Variants in FAM133B observed in about 807,000 individuals in gnomAD.
FAM133B encodes family with sequence similarity 133 member B.
FAM133B carries 25 observed loss-of-function variants against 46.4 expected under a neutral mutation model. That is an observed-to-expected ratio of 0.54 (90% CI 0.39 to 0.75). The LOEUF (loss-of-function observed/expected upper bound fraction) is 0.75, where lower values mean the gene tolerates loss of function less well. Among genes scored for constraint, FAM133B ranks in the 30% least tolerant of loss-of-function variants. FAM133B has a pLI of 0.00. For missense variants in FAM133B, 205 were observed against 277.6 expected (o/e 0.74, Z 1.86); for synonymous variants, 75 against 86.0 (o/e 0.87, Z 0.71).
In FAM133B at chr7:92,581,544, T is replaced by C. The variant is rs1464117312; in HGVS notation, c.84A>G (p.Pro28=). 4 of 1,613,834 alleles carry C rather than the reference T, an allele frequency of 2.5e-6. No individual in the cohort carries two copies. Among genetic ancestry groups the C allele is most frequent in the Non-Finnish European group, 3.4e-6 (4 of 1,179,854 alleles). ...RSRGPIQSSG[P]TIQDYLNRPR... ...GTCGATTCAGATAATCCTGTATTGT[T>C]GGCCCTGAAGACTGGATTGGACCCC... Residue 28 remains proline, a synonymous_variant, in exon 2 of 11, where the codon CCA becomes CCG. Coordinates refer to ENST00000445716, the MANE Select transcript of FAM133B (RefSeq NM_152789.4).
At chr7:92,587,903 C>T (rs908218897) in intron 1 of FAM133B, among the ~76,000 whole-genome samples, 2 of 151,878 alleles carry the variant, frequency 1.3e-5, no homozygotes, top group Admixed American at 6.6e-5. Flanking sequence ...AGGCTATGCA[C>T]GAGTGGGGTC....
chr7:92,578,120 CG>C (rs1794756412), intron 5 of FAM133B, 29 bp downstream of exon 5: 1 of 1,582,634 alleles, frequency 6.3e-7, no homozygotes, highest in Non-Finnish European at 8.6e-7. Flanking sequence ...TTAATTGTAA[CG>C]TTTAGAAAAA....
chr7:92,589,942 G>GT (rs1795146280), intron 1 of FAM133B: 1 of 446,066 alleles, frequency 2.2e-6, no homozygotes, highest in Admixed American at 3.7e-5. Flanking sequence ...GGGGCCAGGT[G>GT]TGGGGGGGGT....
chr7:92,562,132 A>G lies in FAM133B; in HGVS notation c.*150T>C. On this transcript the variant is annotated 3_prime_UTR_variant, in exon 11 of 11. Transcript: ENST00000445716. ...GGCAACATTTATGGCCCTTTCACAC[A>G]GTGGCATCTGAGTGGCTACTGAATA... is the stretch of plus-strand genomic sequence containing the variant. The G allele has an allele frequency of 1.2e-6, 1 of 824,622 alleles. No homozygotes were observed. The highest frequency in any genetic ancestry group is 1.8e-6 in the Non-Finnish European group (1 of 560,030). The allele number at this position is 824,622 out of a possible 1,614,324, so 51.1% of individuals were successfully genotyped here. A position where few individuals can be genotyped will look rare whatever the true frequency, so the allele number is the denominator to read the frequency against.
rs1489785549 is a variant in FAM133B, at chr7:92,562,082, G to A, written c.*200C>T. On this transcript the variant is annotated 3_prime_UTR_variant, in exon 11 of 11. Transcript: ENST00000445716. ...CCCAGAGTTATCAAGCACTGGAAGA[G>A]AAAAAAATAGATGTTCAAGCAGCAG... The A allele has an allele frequency of 2.0e-6, 1 of 499,924 alleles. No homozygotes were observed. 31.0% of individuals were successfully genotyped at this position (499,924 alleles called of 1,614,324 possible).
chr7:92,577,427 T>C, intron 6 of FAM133B: 1 of 441,714 alleles, frequency 2.3e-6, no homozygotes, highest in Non-Finnish European at 3.9e-6. Flanking sequence ...TATTTTCTTC[T>C]ACTGATATTT....
Position 92,562,324 on chromosome 7 carries a change from C to T in FAM133B, c.702G>A (p.Lys234=), listed in dbSNP as rs1794183518. 1.3e-6 allele frequency: 2 copies of T among 1,534,820 alleles called. No individual in the cohort carries two copies. Among genetic ancestry groups the T allele is most frequent in the Non-Finnish European group, 1.7e-6 (2 of 1,146,060 alleles). Residue 234 remains lysine, a synonymous_variant, in exon 11 of 11, where the codon AAG becomes AAA. Transcript: ENST00000445716. ...KKKKHKKHSK[K]KKKKAASSSP... is the part of the protein sequence containing the mutation. ...TTGAACTAGCAGCCTTCTTTTTCTT[C>T]TTCTTACTGTGTTTCTTATGCTTCT...
At chr7:92,579,142 A>C in intron 3 of FAM133B, 175 bp downstream of exon 3, 2 of 573,270 alleles carry the variant, frequency 3.5e-6, no homozygotes, top group Non-Finnish European at 3.1e-6. Context: ...TACTTAAGGT[A>C]TTTTCTTTTT....
chr7:92,589,968 G>A (rs887730316), intron 1 of FAM133B: 31 of 478,662 alleles, frequency 6.5e-5, no homozygotes, highest in African/African-American at 5.3e-4. Flanking sequence ...GAGCCCTCGC[G>A]GTTCTAAGTG....
intron 10 of FAM133B, among the ~76,000 whole-genome samples, chr7:92,562,987 GTAGT>G (rs1201868426): frequency 1.3e-5 from 2 of 152,206 alleles, no homozygotes; most frequent in Non-Finnish European, 2.9e-5. Flanking sequence ...CCCGGTAGAA[GTAGT>G]TAAACTGTGA....
chr7:92,577,834 A>G (rs557465293), intron 5 of FAM133B, 117 bp from the exon 6 acceptor site: 45 of 807,518 alleles, frequency 5.6e-5, no homozygotes, highest in African/African-American at 5.4e-4. Context: ...TGCCATATTC[A>G]TAAGTCATAA....
chr7:92,578,497 C>G, intron 3 of FAM133B, 104 bp from the exon 4 acceptor site: 1 of 980,840 alleles, frequency 1.0e-6, no homozygotes. Flanking sequence ...CTTAATACCT[C>G]TCACCCATTT....
At chr7:92,583,034 C>T (rs552459519) in intron 1 of FAM133B, among the ~76,000 whole-genome samples, 6 of 152,266 alleles carry the variant, frequency 3.9e-5, no homozygotes, top group African/African-American at 1.2e-4. Flanking sequence ...CAAATGTTCA[C>T]AACTGCAGAA....
At chr7:92,574,374 C>T (rs1794628783) in intron 8 of FAM133B, among the ~76,000 whole-genome samples, 1 of 152,126 alleles carries the variant, frequency 6.6e-6, no homozygotes, top group Non-Finnish European at 1.5e-5. Flanking sequence ...TAGGCAAATC[C>T]ATAGTCAGAA....
At chr7:92,585,383 A>C (rs1585317012) in intron 1 of FAM133B, 1 of 984,858 alleles carries the variant, frequency 1.0e-6, no homozygotes, top group African/African-American at 1.7e-5. Flanking sequence ...ATCATGTCAT[A>C]ATTTTGGCAG....
chr7:92,565,996 A>T lies in FAM133B; in HGVS notation c.657+18T>A, dbSNP rs1171006323. The T allele has an allele frequency of 6.2e-7, 1 of 1,613,468 alleles. No homozygotes were observed. On this transcript the variant is annotated intron_variant, in intron 10 of 10. Transcript: ENST00000445716. ...AACACCTATTCTATTGTCTGTAAAA[A>T]CGTTAAGAGATACTTGCTGTTGCTT...
chr7:92,566,942 G>A (rs1185834379), intron 9 of FAM133B, among the ~76,000 whole-genome samples: 1 of 152,130 alleles, frequency 6.6e-6, no homozygotes, highest in Non-Finnish European at 1.5e-5. Flanking sequence ...CGGGGGCAGC[G>A]GCTGGTGCCT....
At chr7:92,576,549 G>GT (rs1794702545) in intron 7 of FAM133B, among the ~76,000 whole-genome samples, 1 of 152,158 alleles carries the variant, frequency 6.6e-6, no homozygotes. Flanking sequence ...AAACACCCCA[G>GT]TATCAGAATC....
At chr7:92,575,721 T>A (rs1280323239) in intron 8 of FAM133B, 50 bp downstream of exon 8, 1 of 881,818 alleles carries the variant, frequency 1.1e-6, no homozygotes, top group African/African-American at 1.7e-5. Flanking sequence ...TTTAAGTCAA[T>A]TAAGTATTAT....
Sources: gnomAD v4.1 joint callset for allele counts (sites outside exome capture counted in the v4.1 genomes callset) on GRCh38, gnomAD v4.1.1 for gene constraint, MANE v1.5 for transcripts, NCBI Gene and HGNC (gene_info 2026-07-23, HGNC 2026-07-21) for gene names.